Variants in CMSS1 observed in about 807,000 individuals in gnomAD.
CMSS1 encodes cms1 ribosomal small subunit homolog, also known as protein CMSS1.
In CMSS1, 33 loss-of-function variants were observed where a neutral mutation model predicts 43.5. The observed-to-expected ratio is 0.76, with a 90% CI of 0.57 to 1.01. The LOEUF (loss-of-function observed/expected upper bound fraction) is 1.01. Ranked by LOEUF, CMSS1 falls within the 50% of genes least tolerant of loss-of-function variation. CMSS1 has a pLI of 0.00. For missense variants in CMSS1, 313 were observed against 326.4 expected (o/e 0.96, Z 0.32); for synonymous variants, 115 against 117.2 (o/e 0.98, Z 0.12).
intron 1 of CMSS1, among the ~76,000 whole-genome samples, chr3:100,080,126 C>A (rs1181536193): frequency 2.0e-5 from 3 of 151,948 alleles, no homozygotes; most frequent in Non-Finnish European, 4.4e-5. Flanking sequence ...TTTTTCTTTT[C>A]TTTAATTAAT....
chr3:100,176,456 T>G, intron 9 of CMSS1, 41 bp downstream of exon 9: 4 of 1,345,886 alleles, frequency 3.0e-6, no homozygotes, highest in Non-Finnish European at 4.3e-6. Context: ...ATTTTTTCTC[T>G]ATTTGAACTT....
chr3:99,828,457 T>A (rs1443409699), intron 1 of CMSS1, among the ~76,000 whole-genome samples: 1 of 151,510 alleles, frequency 6.6e-6, no homozygotes, highest in East Asian at 1.9e-4. Context: ...ACCCTTTTTT[T>A]TTTTTTTCCC....
chr3:99,895,349 A>G (rs114012789), intron 1 of CMSS1, among the ~76,000 whole-genome samples: 4,069 of 150,584 alleles, frequency 0.027, 78 homozygotes, highest in Non-Finnish European at 0.038. Flanking sequence ...TTGGTCTCAT[A>G]TATTTAGTGA....
In CMSS1 at chr3:99,979,316, G is replaced by A. The variant is rs116113002; in HGVS notation, c.64+161273G>A. Among the ~76,000 whole-genome samples the A allele has an allele frequency of 7.3e-3, 1,107 of 152,090 alleles. 19 individuals are homozygous for A. The highest frequency in any genetic ancestry group is 0.025 in the African/African-American group (1,020 of 41,492). On this transcript the variant is annotated intron_variant, in intron 1 of 9. Transcript: ENST00000421999. ...TTCTCTCTTTATGGCCTTCTTTTGG[G>A]AAACACTAAAAAGATAAAAAGCTTG...
At chr3:99,959,870 G>A (rs1357508686) in intron 1 of CMSS1, among the ~76,000 whole-genome samples, 1 of 152,100 alleles carries the variant, frequency 6.6e-6, no homozygotes, top group Non-Finnish European at 1.5e-5. Context: ...GAGCCCCCCA[G>A]CCCACTCAGT....
chr3:100,048,309 G>A (rs1227232145), intron 1 of CMSS1, among the ~76,000 whole-genome samples: 1 of 152,224 alleles, frequency 6.6e-6, no homozygotes, highest in African/African-American at 2.4e-5. Flanking sequence ...TTTAGTCCCA[G>A]AGGCCCCTCA....
At chr3:99,940,925 T>C (rs1251718632) in intron 1 of CMSS1, among the ~76,000 whole-genome samples, 1 of 152,216 alleles carries the variant, frequency 6.6e-6, no homozygotes, top group Non-Finnish European at 1.5e-5. Context: ...GATGGGTTGT[T>C]GTAGAGAAGA....
chr3:99,855,021 G>C (rs1006940381), intron 1 of CMSS1, among the ~76,000 whole-genome samples: 3 of 152,160 alleles, frequency 2.0e-5, no homozygotes, highest in African/African-American at 7.2e-5. Flanking sequence ...TGTCAAGTCT[G>C]CTGGCCCTTA....
In CMSS1 at chr3:100,142,900, T is replaced by C. The variant is rs1489219871; in HGVS notation, c.65-4073T>C. On this transcript the variant is annotated intron_variant, in intron 1 of 9. Transcript: ENST00000421999. ...GGGTCAAGTACTTTGGGCACTCATA[T>C]GTACCCTCAGAGAGTTTACAGTTCA... Among the ~76,000 whole-genome samples the C allele has an allele frequency of 2.6e-5, 4 of 152,352 alleles. No homozygotes were observed. The East Asian group carries it at 7.7e-4, about 29-fold the overall frequency.
At chr3:100,021,960 T>TGTGTGTGAGAGAGA (rs1321185364) in intron 1 of CMSS1, among the ~76,000 whole-genome samples, 16 of 93,330 alleles carry the variant, frequency 1.7e-4, no homozygotes, top group African/African-American at 5.6e-4. Flanking sequence ...TGTGTGTGTG[T>TGTGTGTGAGAGAGA]GAGAGAGAGA....
chr3:99,985,283 A>G (rs774821314), intron 1 of CMSS1, among the ~76,000 whole-genome samples: 7 of 152,130 alleles, frequency 4.6e-5, no homozygotes, highest in Non-Finnish European at 8.8e-5. Flanking sequence ...TGTAATTCCA[A>G]CACTTTGGTA....
At chr3:100,080,059 C>T (rs1267712870) in intron 1 of CMSS1, among the ~76,000 whole-genome samples, 1 of 152,156 alleles carries the variant, frequency 6.6e-6, no homozygotes, top group African/African-American at 2.4e-5. Context: ...GGTGTCAACA[C>T]TGGGTCTTCT....
At chr3:100,121,071 C>T (rs1210438392) in intron 1 of CMSS1, among the ~76,000 whole-genome samples, 1 of 152,120 alleles carries the variant, frequency 6.6e-6, no homozygotes, top group African/African-American at 2.4e-5. Context: ...ACAGCTTCTC[C>T]AAAGTGACCC....
rs2067175797 is a variant in CMSS1 at position 100,180,143 on chromosome 3, A to G, written c.*1755A>G. The G allele has an allele frequency of 1.6e-5, 2 of 124,808 alleles. No individual in the cohort carries two copies. The highest frequency in any genetic ancestry group is 1.6e-4 in the Admixed American group (2 of 12,438). 7.7% of individuals were successfully genotyped at this position (124,808 alleles called of 1,614,324 possible). A position where few individuals can be genotyped will look rare whatever the true frequency, so the allele number is the denominator to read the frequency against. ...GCTGGGCCCAGGGCCTAGCCCACGA[A>G]ACCATTTTTTTCCTCCTAGGCCTCT... On this transcript the variant is annotated 3_prime_UTR_variant, in exon 10 of 10. Coordinates refer to ENST00000421999, the MANE Select transcript of CMSS1 (RefSeq NM_032359.4).
At chr3:100,064,193 C>A (rs908866013) in intron 1 of CMSS1, among the ~76,000 whole-genome samples, 1 of 152,080 alleles carries the variant, frequency 6.6e-6, no homozygotes, top group African/African-American at 2.4e-5. Context: ...GGTTGTCTTC[C>A]GGGAATGTAT....
intron 1 of CMSS1, among the ~76,000 whole-genome samples, chr3:100,080,230 G>A (rs2065910256): frequency 6.6e-6 from 1 of 151,958 alleles, no homozygotes; most frequent in Admixed American, 6.6e-5. Context: ...CCATCCACCT[G>A]CCTTGGCCTC....
intron 1 of CMSS1, among the ~76,000 whole-genome samples, chr3:99,880,980 G>A (rs185885845): frequency 3.3e-5 from 5 of 151,984 alleles, no homozygotes; most frequent in African/African-American, 4.8e-5. Context: ...ATTTAAAAGC[G>A]CATGTTTACA....
chr3:100,084,084 A>C (rs2065970654), intron 1 of CMSS1, among the ~76,000 whole-genome samples: 1 of 152,226 alleles, frequency 6.6e-6, no homozygotes, highest in Non-Finnish European at 1.5e-5. Flanking sequence ...ATGCCAGCAG[A>C]AAGGAGCTCA....
intron 1 of CMSS1, among the ~76,000 whole-genome samples, chr3:99,863,259 A>ATGC (rs1388954594): frequency 6.6e-6 from 1 of 152,204 alleles, no homozygotes; most frequent in Non-Finnish European, 1.5e-5. Flanking sequence ...TGAGAACCTA[A>ATGC]TGCTGCTGCT....
Sources: allele counts gnomAD v4.1 joint callset (sites outside exome capture counted in the v4.1 genomes callset), GRCh38; gene constraint gnomAD v4.1.1; transcripts MANE v1.5; gene names NCBI Gene and HGNC (gene_info 2026-07-23, HGNC 2026-07-21).